The following PARS2 variants were observed in gnomAD, a reference collection of about 807,000 sequenced individuals.
PARS2 encodes the protein probable proline--tRNA ligase, mitochondrial.
A neutral mutation model predicts 27.4 loss-of-function variants in PARS2; 20 were observed. The observed-to-expected ratio is 0.73, with a 90% CI of 0.51 to 1.06. The LOEUF (loss-of-function observed/expected upper bound fraction) is 1.06, where lower values mean the gene tolerates loss of function less well. Ranked by LOEUF, PARS2 falls within the 50% of genes least tolerant of loss-of-function variation. PARS2 has a pLI of 0.00. For synonymous variants in PARS2, 240 were observed against 247.1 expected (o/e 0.97, Z 0.27); for missense variants, 585 against 602.1 (o/e 0.97, Z 0.30).
intron 1 of PARS2, among the ~76,000 whole-genome samples, chr1:54,762,015 AC>A (rs1376896473): frequency 1.3e-5 from 2 of 149,518 alleles, no homozygotes; most frequent in Non-Finnish European, 3.0e-5. Flanking sequence ...CCTTAAGTCC[AC>A]CCCCTCCTTT....
At chr1:54,761,162 C>T (rs553201818) in intron 1 of PARS2, among the ~76,000 whole-genome samples, 121 of 152,258 alleles carry the variant, frequency 7.9e-4, no homozygotes, top group Middle Eastern at 3.4e-3. Context: ...GTCCTCTAGG[C>T]CTCAGGATTA....
At chr1:54,760,784 C>CT (rs377045963) in intron 1 of PARS2, among the ~76,000 whole-genome samples, 114 of 147,054 alleles carry the variant, frequency 7.8e-4, no homozygotes, top group Middle Eastern at 3.6e-3. Context: ...CACGCCCACT[C>CT]TTTTTTTTTT....
intron 1 of PARS2, among the ~76,000 whole-genome samples, chr1:54,763,794 G>A (rs1451191647): frequency 6.6e-6 from 1 of 152,120 alleles, no homozygotes; most frequent in Non-Finnish European, 1.5e-5. Context: ...AAGATTCTTT[G>A]ACTCACCATT....
Position 54,758,538 on chromosome 1 carries a change from A to G in PARS2, c.624T>C (p.Asp208=). ...CTGGGGAGGAGTCAAAGGTGTACAT[A>G]TCCTTCATGTAAAACTCTCGGCCAC... ...LLRGREFYMK[D]MYTFDSSPEA... The change falls in exon 2 of 2, where the codon GAT becomes GAC. Residue 208 remains aspartate (D), a synonymous_variant. Transcript: ENST00000371279. The G allele has an allele frequency of 6.2e-7, 1 of 1,614,180 alleles. No homozygotes were observed. The highest frequency in any genetic ancestry group is 2.2e-5 in the East Asian group (1 of 44,878).
rs1646175018 is a variant in PARS2, at chr1:54,764,481, C to T, written c.-50G>A. The T allele has an allele frequency of 6.6e-6, 1 of 152,298 alleles. No homozygotes were observed. The highest frequency in any genetic ancestry group is 6.5e-5 in the Admixed American group (1 of 15,290). 9.4% of individuals were successfully genotyped at this position (152,298 alleles called of 1,614,324 possible). A position where few individuals can be genotyped will look rare whatever the true frequency, so the allele number is the denominator to read the frequency against. ...CCTACCGCAATCCCAGCCCACGCCT[C>T]CCGCAAGACCACCGCCGTGCCGGGC... On this transcript the variant is annotated 5_prime_UTR_variant, in exon 1 of 2. Transcript: ENST00000371279.
intron 1 of PARS2, among the ~76,000 whole-genome samples, chr1:54,762,359 A>C (rs549808522): frequency 3.0e-4 from 46 of 152,026 alleles, no homozygotes; most frequent in African/African-American, 1.1e-3. Flanking sequence ...GGCTGGTCTC[A>C]AACTCCTTGA....
At chr1:54,759,228 C>T (rs1646140670) in intron 1 of PARS2, 38 bp from the exon 2 acceptor site, 7 of 1,302,260 alleles carry the variant, frequency 5.4e-6, no homozygotes, top group Non-Finnish European at 7.3e-6. Context: ...GAGCCTCATC[C>T]GTGTTCCAAC....
chr1:54,761,658 C>T lies in PARS2; in HGVS notation c.-29-2468G>A, dbSNP rs79794733. On this transcript the variant is annotated intron_variant, in intron 1 of 1. Coordinates refer to ENST00000371279, the MANE Select transcript of PARS2 (RefSeq NM_152268.4). The stretch of plus-strand genomic sequence containing the variant: ...AGCACAGTCCATGCAACAAAGCTCC[C>T]GGCAGTATGCTGGGTATGGGTTGCT... 8.1e-3 allele frequency among the ~76,000 whole-genome samples: 1,236 copies of T among 152,246 alleles called. 25 individuals carry two copies. Among genetic ancestry groups the T allele is most frequent in the African/African-American group, 0.029 (1,194 of 41,530 alleles).
In PARS2 at chr1:54,757,096, G is replaced by GGACGTTACAGATCTAGTTCCA. The variant is rs1646123970; in HGVS notation, c.*617_*637dup. 1 of 152,104 alleles carries GGACGTTACAGATCTAGTTCCA rather than the reference G, an allele frequency of 6.6e-6. No individual in the cohort carries two copies. Among genetic ancestry groups the GGACGTTACAGATCTAGTTCCA allele is most frequent in the African/African-American group, 2.4e-5 (1 of 41,402 alleles). The allele number at this position is 152,104 out of a possible 1,614,324, so 9.4% of individuals were successfully genotyped here. On this transcript the variant is annotated 3_prime_UTR_variant, in exon 2 of 2. Coordinates refer to ENST00000371279, the MANE Select transcript of PARS2 (RefSeq NM_152268.4). ...TGGAACCCCCTAGTGACACCTATAA[G>GGACGTTACAGATCTAGTTCCA]GACGTTACAGATCTAGTTCCAGACT...
rs1414372355 is a variant in PARS2, at chr1:54,756,972, C to T, written c.*762G>A. 6.6e-6 allele frequency: 1 copy of T among 152,094 alleles called. No homozygotes were observed. Among genetic ancestry groups the T allele is most frequent in the East Asian group, 1.9e-4 (1 of 5,198 alleles). 9.4% of individuals were successfully genotyped at this position (152,094 alleles called of 1,614,324 possible). On this transcript the variant is annotated 3_prime_UTR_variant, in exon 2 of 2. Transcript: ENST00000371279. The stretch of plus-strand genomic sequence containing the variant: ...AAGCCGTCTTAACAGGGCCAGGTCT[C>T]TTGAGGTAGTTTTTGGGCCATCAGT...
intron 1 of PARS2, among the ~76,000 whole-genome samples, chr1:54,760,175 C>A (rs532572775): frequency 6.6e-6 from 1 of 152,254 alleles, no homozygotes; most frequent in African/African-American, 2.4e-5. Flanking sequence ...TCCCTCTTTA[C>A]AGCACACACT....
Position 54,758,225 on chromosome 1 carries a change from G to C in PARS2, c.937C>G (p.Leu313Val), listed in dbSNP as rs977399053. 6.2e-7 allele frequency: 1 copy of C among 1,614,094 alleles called. No homozygotes were observed. Among genetic ancestry groups the C allele is most frequent in the African/African-American group, 1.3e-5 (1 of 74,940 alleles). The part of the protein sequence containing the change: ...KGIEVGHTFY[L>V]GTKYSSIFNA... ...AAAATGGATGAGTACTTGGTACCCA[G>C]GTAAAATGTGTGCCCCACCTCAATG... The change falls in exon 2 of 2, where the codon CTG (leucine) becomes GTG (valine). Residue 313 changes from leucine to valine, a missense_variant. Coordinates refer to ENST00000371279, the MANE Select transcript of PARS2 (RefSeq NM_152268.4).
At chr1:54,760,686 T>C (rs983432719) in intron 1 of PARS2, among the ~76,000 whole-genome samples, 1 of 152,182 alleles carries the variant, frequency 6.6e-6, no homozygotes, top group Non-Finnish European at 1.5e-5. Context: ...AGGTCTAAGC[T>C]TCTGACTTTC....
rs534873010 is a variant in PARS2, at chr1:54,758,077, C to T, written c.1085G>A (p.Arg362His). 22 of 1,613,510 alleles carry T rather than the reference C, an allele frequency of 1.4e-5. No individual in the cohort carries two copies. Among genetic ancestry groups the T allele is most frequent in the South Asian group, 3.3e-5 (3 of 91,008 alleles). The change falls in exon 2 of 2, where the codon CGC (arginine) becomes CAC (histidine). Residue 362 changes from arginine (R) to histidine (H), a missense_variant. Arg to His is a conservative substitution (Grantham distance 29). Transcript: ENST00000371279. The part of the protein sequence containing the change: ...IEVLSTEDCV[R>H]WPSLLAPYQA... ...GTAAGGGGCCAGTAGGCTGGGCCAG[C>T]GGACACAGTCTTCTGTAGAGAGGAC...
At chr1:54,763,240 A>G (rs1334539181) in intron 1 of PARS2, among the ~76,000 whole-genome samples, 2 of 152,080 alleles carry the variant, frequency 1.3e-5, no homozygotes, top group Admixed American at 6.6e-5. Context: ...TTTTTAGTAT[A>G]CTGTATTAGA....
intron 1 of PARS2, among the ~76,000 whole-genome samples, chr1:54,763,754 C>T (rs1469628387): frequency 6.6e-6 from 1 of 152,238 alleles, no homozygotes; most frequent in African/African-American, 2.4e-5. Context: ...TGTCGGGACA[C>T]TGTCAGCCCT....
intron 1 of PARS2, among the ~76,000 whole-genome samples, chr1:54,761,218 C>G (rs976680200): frequency 1.3e-5 from 2 of 152,190 alleles, no homozygotes; most frequent in African/African-American, 4.8e-5. Flanking sequence ...CCCCATACCC[C>G]CAAAGGGCTG....
chr1:54,760,554 C>T (rs937753449), intron 1 of PARS2, among the ~76,000 whole-genome samples: 1 of 152,218 alleles, frequency 6.6e-6, no homozygotes, highest in African/African-American at 2.4e-5. Flanking sequence ...CACTGGTCTC[C>T]TGACTTCCAC....
In PARS2 at chr1:54,757,855, G is replaced by C; in HGVS notation, c.1307C>G (p.Ala436Gly). The C allele has an allele frequency of 6.2e-7, 1 of 1,614,216 alleles. No individual in the cohort carries two copies. Among genetic ancestry groups the C allele is most frequent in the African/African-American group, 1.3e-5 (1 of 75,058 alleles). The stretch of plus-strand genomic sequence containing the variant: ...AGGGTCCTCCAGGGCCCTCTTGCCA[G>C]CGATTATCACAAAGGGGTAGCCAAA... ...NKFGYPFVII[A>G]GKRALEDPAH... The change falls in exon 2 of 2, where the codon GCT (alanine) becomes GGT (glycine). Residue 436 changes from alanine to glycine, a missense_variant. Ala to Gly is a moderately conservative substitution (Grantham distance 60). Coordinates refer to ENST00000371279, the MANE Select transcript of PARS2 (RefSeq NM_152268.4).
Sources: gnomAD v4.1 joint callset for allele counts (sites outside exome capture counted in the v4.1 genomes callset) on GRCh38, gnomAD v4.1.1 for gene constraint, MANE v1.5 for transcripts, NCBI Gene and HGNC (gene_info 2026-07-23, HGNC 2026-07-21) for gene names.